Variants in ARL15 observed in about 807,000 individuals in gnomAD.
ARL15 encodes ADP-ribosylation factor-like protein 15.
A neutral mutation model predicts 25.2 loss-of-function variants in ARL15; 19 were observed. That is an observed-to-expected ratio of 0.75 (90% CI 0.53 to 1.10). ARL15 has a LOEUF of 1.10. Ranked by LOEUF, ARL15 falls within the 50% of genes least tolerant of loss-of-function variation. ARL15 has a pLI of 0.00. For missense variants in ARL15, 220 were observed against 246.0 expected, an observed-to-expected ratio of 0.89 and a Z score of 0.71; for synonymous variants, 94 against 86.8, an observed-to-expected ratio of 1.08 and a Z score of -0.46.
chr5:53,913,300 G>C (rs1027210), intron 4 of ARL15, among the ~76,000 whole-genome samples: 143,034 of 152,252 alleles, frequency 0.94, 67,714 homozygotes, highest in Non-Finnish European at 1. Flanking sequence ...GATATTCTGT[G>C]TCAACAAAAC....
intron 3 of ARL15, among the ~76,000 whole-genome samples, chr5:54,150,253 G>A (rs1358027732): frequency 1.3e-5 from 2 of 152,174 alleles, no homozygotes; most frequent in Admixed American, 1.3e-4. Context: ...TGAAATGTTT[G>A]TGGAAAGTTT....
At chr5:54,140,353 T>G (rs1017806904) in intron 3 of ARL15, among the ~76,000 whole-genome samples, 7 of 152,006 alleles carry the variant, frequency 4.6e-5, no homozygotes, top group Admixed American at 4.6e-4. Context: ...CAGCTCTGGT[T>G]GTACCACCAA....
At chr5:54,108,032 A>T (rs1752638367) in intron 4 of ARL15, among the ~76,000 whole-genome samples, 1 of 152,118 alleles carries the variant, frequency 6.6e-6, no homozygotes, top group Non-Finnish European at 1.5e-5. Context: ...TGCATATAGA[A>T]ATAAATGAAT....
chr5:54,165,851 G>C (rs545675697), intron 2 of ARL15, among the ~76,000 whole-genome samples: 2 of 151,830 alleles, frequency 1.3e-5, no homozygotes, highest in Non-Finnish European at 2.9e-5. Context: ...TGGAGACCCA[G>C]GAAAGAATCA....
Position 53,887,438 on chromosome 5 carries a change from A to G in ARL15, c.463-725T>C, listed in dbSNP as rs143350344. The G allele has an allele frequency of 6.5e-4, 453 of 696,316 alleles. 4 individuals are homozygous for G. The African/African-American group carries it at 7.3e-3, about 11-fold the overall frequency. 43.1% of individuals were successfully genotyped at this position (696,316 alleles called of 1,614,324 possible). ...AGGTATGTGCTGAAAAACCTGTTCA[A>G]TTAATAACCAGTCACAAGTCACTCT... On this transcript the variant is annotated intron_variant, in intron 4 of 4. Transcript: ENST00000504924.
At chr5:54,176,903 A>T (rs1480292088) in intron 1 of ARL15, among the ~76,000 whole-genome samples, 1 of 152,126 alleles carries the variant, frequency 6.6e-6, no homozygotes, top group Non-Finnish European at 1.5e-5. Flanking sequence ...GCCACCCAAT[A>T]TACAGCCCAG....
chr5:54,012,752 A>G (rs1749287068), intron 4 of ARL15, among the ~76,000 whole-genome samples: 1 of 151,212 alleles, frequency 6.6e-6, no homozygotes, highest in South Asian at 2.1e-4. Context: ...TCCAACTCCC[A>G]ACCTCAGGTG....
At chr5:54,223,676 G>A (rs890943374) in intron 1 of ARL15, among the ~76,000 whole-genome samples, 4 of 152,130 alleles carry the variant, frequency 2.6e-5, no homozygotes, top group African/African-American at 9.7e-5. Flanking sequence ...TAAGAAAATA[G>A]ATCCAAATAG....
chr5:54,110,387 ATTG>A (rs1561227451), intron 4 of ARL15, among the ~76,000 whole-genome samples: 1 of 152,058 alleles, frequency 6.6e-6, no homozygotes, highest in Non-Finnish European at 1.5e-5. Context: ...AGGATAAATT[ATTG>A]CACATTTTCT....
intron 1 of ARL15, among the ~76,000 whole-genome samples, chr5:54,240,256 A>G (rs1756924921): frequency 7.7e-6 from 1 of 129,612 alleles, no homozygotes; most frequent in South Asian, 2.3e-4. Context: ...ACACATCGCC[A>G]ATAATTTTTT....
At chr5:53,948,946 A>G (rs1746849903) in intron 4 of ARL15, among the ~76,000 whole-genome samples, 1 of 152,212 alleles carries the variant, frequency 6.6e-6, no homozygotes, top group Non-Finnish European at 1.5e-5. Flanking sequence ...ACCGCAAATC[A>G]TTACCTTCAC....
intron 1 of ARL15, among the ~76,000 whole-genome samples, chr5:54,185,276 C>A (rs1487909819): frequency 6.6e-6 from 1 of 152,176 alleles, no homozygotes; most frequent in East Asian, 1.9e-4. Context: ...CATCCTTCCT[C>A]ACTATTTTCC....
intron 4 of ARL15, among the ~76,000 whole-genome samples, chr5:53,969,475 CAT>C (rs899770896): frequency 3.3e-5 from 5 of 152,072 alleles, no homozygotes; most frequent in African/African-American, 4.8e-5. Flanking sequence ...AAATTAAAAA[CAT>C]GTGACAACAG....
chr5:54,284,356 C>T (rs946422108), intron 1 of ARL15, among the ~76,000 whole-genome samples: 3 of 152,172 alleles, frequency 2.0e-5, no homozygotes, highest in Admixed American at 6.5e-5. Flanking sequence ...CCACCTCCCT[C>T]GGCCTCCCAA....
intron 4 of ARL15, among the ~76,000 whole-genome samples, chr5:53,969,196 T>C (rs955035307): frequency 1.3e-5 from 2 of 152,148 alleles, no homozygotes; most frequent in Admixed American, 6.5e-5. Flanking sequence ...GGCACATACA[T>C]GCTAGTGTCT....
intron 4 of ARL15, among the ~76,000 whole-genome samples, chr5:53,913,302 C>CAACAA (rs1490932422): frequency 6.6e-6 from 1 of 152,124 alleles, no homozygotes; most frequent in Non-Finnish European, 1.5e-5. Flanking sequence ...TATTCTGTGT[C>CAACAA]AACAAAACAA....
intron 4 of ARL15, among the ~76,000 whole-genome samples, chr5:54,008,075 G>A (rs2111765025): frequency 6.6e-6 from 1 of 152,288 alleles, no homozygotes; most frequent in East Asian, 1.9e-4. Flanking sequence ...AGCATTATGT[G>A]TCAGAGGAGC....
intron 4 of ARL15, among the ~76,000 whole-genome samples, chr5:54,071,782 T>A (rs908183174): frequency 6.6e-6 from 1 of 151,830 alleles, no homozygotes; most frequent in Non-Finnish European, 1.5e-5. Context: ...CCATCCTGGC[T>A]AACACGGTGA....
rs553902396 is a variant in ARL15, at chr5:54,289,279, G to A, written c.48+21153C>T. Among the ~76,000 whole-genome samples the A allele has an allele frequency of 7.3e-5, 11 of 151,706 alleles. No individual in the cohort carries two copies. In the South Asian group the frequency reaches 1.7e-3, roughly 23 times the overall value. Reference sequence around the variant, plus strand: ...ACGGAACAGTGAGAGCAAAGTCCCTGCTCTTATGGAGCCTACACTCCAGTG... The same window carrying A: ...ACGGAACAGTGAGAGCAAAGTCCCTACTCTTATGGAGCCTACACTCCAGTG... On this transcript the variant is annotated intron_variant, in intron 1 of 4. Coordinates refer to ENST00000504924, the MANE Select transcript of ARL15 (RefSeq NM_019087.3).
Sources: allele counts gnomAD v4.1 joint callset (sites outside exome capture counted in the v4.1 genomes callset), GRCh38; gene constraint gnomAD v4.1.1; transcripts MANE v1.5; gene names NCBI Gene and HGNC (gene_info 2026-07-23, HGNC 2026-07-21).